Variants in TAFA4 observed in about 807,000 individuals in gnomAD.
TAFA4 encodes the protein TAFA chemokine like family member 4.
Under a neutral mutation model 21.1 loss-of-function variants are expected in TAFA4, and 20 were observed. The ratio of observed to expected loss-of-function variants is 0.95; its 90% CI spans 0.67 to 1.38. The LOEUF is 1.38. Ranked by LOEUF, TAFA4 falls within the 40% of genes most tolerant of loss-of-function variation. TAFA4 has a pLI of 0.00. For missense variants in TAFA4, 211 were observed against 180.9 expected, an observed-to-expected ratio of 1.17 and a Z score of -0.95; for synonymous variants, 71 against 67.4, an observed-to-expected ratio of 1.05 and a Z score of -0.26.
intron 1 of TAFA4, among the ~76,000 whole-genome samples, chr3:68,917,753 C>CAAA (rs55853026): frequency 4.0e-4 from 23 of 58,176 alleles, no homozygotes; most frequent in Admixed American, 8.6e-4. Context: ...GACTCTGTCT[C>CAAA]AAAAAAAAAA....
intron 1 of TAFA4, among the ~76,000 whole-genome samples, chr3:68,896,093 A>G (rs1346650726): frequency 1.3e-5 from 2 of 152,168 alleles, no homozygotes; most frequent in Non-Finnish European, 2.9e-5. Context: ...AGAGGTAGCT[A>G]GGGAGGCCAG....
intron 4 of TAFA4, among the ~76,000 whole-genome samples, chr3:68,740,679 T>A (rs1298688742): frequency 6.6e-6 from 1 of 152,194 alleles, no homozygotes; most frequent in African/African-American, 2.4e-5. Context: ...TGTTTATTTT[T>A]GCTTTTGTTG....
chr3:68,860,180 T>C (rs1195375053), intron 3 of TAFA4, among the ~76,000 whole-genome samples: 1 of 152,150 alleles, frequency 6.6e-6, no homozygotes, highest in East Asian at 1.9e-4. Flanking sequence ...ATGTTCCCAT[T>C]ATTGTGTCAT....
intron 3 of TAFA4, among the ~76,000 whole-genome samples, chr3:68,828,403 A>G (rs1247379444): frequency 1.3e-5 from 2 of 152,108 alleles, no homozygotes; most frequent in East Asian, 1.9e-4. Context: ...GTTTTTTCCA[A>G]TTCTGTGAAG....
chr3:68,766,437 T>C (rs1702856284), intron 3 of TAFA4, among the ~76,000 whole-genome samples: 1 of 152,152 alleles, frequency 6.6e-6, no homozygotes, highest in Non-Finnish European at 1.5e-5. Context: ...TCTGCTATGA[T>C]ACTTCTCAGA....
intron 3 of TAFA4, among the ~76,000 whole-genome samples, chr3:68,861,426 C>T (rs942452690): frequency 7.9e-5 from 12 of 151,966 alleles, no homozygotes; most frequent in Admixed American, 2.0e-4. Context: ...AGTTAGTTTT[C>T]GTTTTTTAAT....
At chr3:68,797,422 G>A (rs374889810) in intron 3 of TAFA4, among the ~76,000 whole-genome samples, 2 of 151,942 alleles carry the variant, frequency 1.3e-5, no homozygotes, top group African/African-American at 4.8e-5. Flanking sequence ...GACCATCCTG[G>A]CTAACACGTT....
At chr3:68,790,550 C>T (rs979243706) in intron 3 of TAFA4, among the ~76,000 whole-genome samples, 1 of 152,142 alleles carries the variant, frequency 6.6e-6, no homozygotes. Flanking sequence ...AAGGACCATG[C>T]TGAGTATACT....
At chr3:68,836,515 T>C (rs1439774248) in intron 3 of TAFA4, among the ~76,000 whole-genome samples, 1 of 152,236 alleles carries the variant, frequency 6.6e-6, no homozygotes, top group Non-Finnish European at 1.5e-5. Flanking sequence ...TACTTTACTC[T>C]GAAATCTTTT....
chr3:68,923,693 C>T (rs893137418), intron 1 of TAFA4, among the ~76,000 whole-genome samples: 1 of 152,096 alleles, frequency 6.6e-6, no homozygotes. Context: ...CTCCAGATCT[C>T]GGTGAAATTC....
intron 5 of TAFA4, 90 bp from the exon 6 acceptor site, chr3:68,733,243 T>C: frequency 6.7e-7 from 1 of 1,482,326 alleles, no homozygotes; most frequent in Non-Finnish European, 9.2e-7. Context: ...GTCCTGACTG[T>C]GAATACTTTA....
At chr3:68,908,919 G>A (rs2106999934) in intron 1 of TAFA4, among the ~76,000 whole-genome samples, 1 of 152,254 alleles carries the variant, frequency 6.6e-6, no homozygotes, top group East Asian at 1.9e-4. Flanking sequence ...CAAAAAGCCA[G>A]ACCAGCCCCA....
chr3:68,795,492 A>C (rs755475669), intron 3 of TAFA4, among the ~76,000 whole-genome samples: 2 of 152,126 alleles, frequency 1.3e-5, no homozygotes, highest in Non-Finnish European at 2.9e-5. Context: ...TTATTGACTC[A>C]AGCTTACCCA....
At position 68,805,752 on chromosome 3, in the gene TAFA4, C is replaced by A. The variant is rs1301449355; in HGVS notation, c.131-52734G>T. ...TTCTCACTCATAGGTGGGAATTGAA[C>A]AATGAGAACACATGGACACAGGAAG... On this transcript the variant is annotated intron_variant, in intron 3 of 5. Transcript: ENST00000295569. Among the ~76,000 whole-genome samples the A allele has an allele frequency of 2.7e-5, 4 of 147,270 alleles. No individual in the cohort carries two copies. In the Admixed American group the frequency reaches 2.8e-4, roughly 10 times the overall value.
chr3:68,754,882 C>G (rs1267172372), intron 3 of TAFA4, among the ~76,000 whole-genome samples: 2 of 152,310 alleles, frequency 1.3e-5, no homozygotes, highest in Non-Finnish European at 1.5e-5. Context: ...GTCATATTCT[C>G]ATCATTCTCT....
chr3:68,843,474 C>A (rs1335602119), intron 3 of TAFA4, among the ~76,000 whole-genome samples: 1 of 152,144 alleles, frequency 6.6e-6, no homozygotes. Context: ...CAAAGACAAT[C>A]TGACTTCCTT....
intron 5 of TAFA4, among the ~76,000 whole-genome samples, chr3:68,735,644 G>C (rs758623695): frequency 3.9e-5 from 6 of 152,164 alleles, no homozygotes; most frequent in East Asian, 1.9e-4. Context: ...GCAGATTAGA[G>C]AGCCATTTGA....
At chr3:68,747,763 A>T (rs148743289) in intron 4 of TAFA4, among the ~76,000 whole-genome samples, 1 of 152,186 alleles carries the variant, frequency 6.6e-6, no homozygotes, top group African/African-American at 2.4e-5. Context: ...ACAGTGCTTT[A>T]TATAAACTTT....
intron 4 of TAFA4, among the ~76,000 whole-genome samples, chr3:68,751,638 C>T (rs1402828759): frequency 6.6e-6 from 1 of 152,030 alleles, no homozygotes; most frequent in Non-Finnish European, 1.5e-5. Context: ...ATCCAAAAAG[C>T]TTTGGAAATT....
Sources: gnomAD v4.1 joint callset for allele counts (sites outside exome capture counted in the v4.1 genomes callset) on GRCh38, gnomAD v4.1.1 for gene constraint, MANE v1.5 for transcripts, NCBI Gene and HGNC (gene_info 2026-07-23, HGNC 2026-07-21) for gene names.